LAMA2: variants seen among roughly 807,000 people sequenced by gnomAD.
The protein encoded by LAMA2 is laminin subunit alpha-2.
LAMA2 carries 269 observed loss-of-function variants against 364.8 expected under a neutral mutation model. The ratio of observed to expected loss-of-function variants is 0.74; its 90% confidence interval spans 0.67 to 0.82. The LOEUF is 0.82. LAMA2 is among the 40% of genes least tolerant of loss of function. LAMA2 has a pLI of 0.00. For missense variants in LAMA2, 3,807 were observed against 3,873.2 expected (o/e 0.98, Z 0.45); for synonymous variants, 1,379 against 1,370.6 (o/e 1.01, Z -0.14).
In LAMA2 at chr6:129,109,753, G is replaced by A. The variant is rs904907658; in HGVS notation, c.639+11338G>A. Among the ~76,000 whole-genome samples the A allele has an allele frequency of 5.9e-5, 9 of 151,960 alleles. No individual in the cohort carries two copies. In the East Asian group the frequency reaches 1.7e-3, roughly 29 times the overall value. On this transcript the variant is annotated intron_variant, in intron 4 of 64. Transcript: ENST00000421865. ...TAAACCAACAGGTAAATACATTTTT[G>A]GTCAAACAAAACTTTAAAAATTATG...
Position 128,960,219 on chromosome 6 carries a change from TATTA to T in LAMA2, c.112+76867_112+76870del, listed in dbSNP as rs561986909. The stretch of plus-strand genomic sequence containing the variant: ...TAACTTAAGGATTTTAATTTTTCAT[TATTA>T]ATTATTTAACAATGTGTTATTTATC... On this transcript the variant is annotated intron_variant, in intron 1 of 64. Coordinates refer to ENST00000421865, the MANE Select transcript of LAMA2 (RefSeq NM_000426.4). 1.6e-3 allele frequency among the ~76,000 whole-genome samples: 240 copies of T among 152,276 alleles called. 1 individual carries two copies. Among genetic ancestry groups the T allele is most frequent in the African/African-American group, 5.4e-3 (223 of 41,572 alleles).
At chr6:129,278,940 GATC>G (rs1248811018) in intron 17 of LAMA2, among the ~76,000 whole-genome samples, 2 of 152,158 alleles carry the variant, frequency 1.3e-5, no homozygotes, top group African/African-American at 4.8e-5. Flanking sequence ...TTCATGATCT[GATC>G]TGCACCAAAG....
intron 4 of LAMA2, among the ~76,000 whole-genome samples, chr6:129,112,437 G>A (rs9482984): frequency 0.23 from 34,577 of 151,666 alleles, 4,200 homozygotes; most frequent in African/African-American, 0.32. Flanking sequence ...AAGCAAATGC[G>A]TTACAAAAAA....
intron 32 of LAMA2, among the ~76,000 whole-genome samples, chr6:129,364,792 A>G (rs1368606631): frequency 6.6e-6 from 1 of 152,186 alleles, no homozygotes; most frequent in African/African-American, 2.4e-5. Flanking sequence ...GGCAATTTGT[A>G]AAGAAAAGAG....
chr6:128,933,867 A>G (rs758672027), intron 1 of LAMA2, among the ~76,000 whole-genome samples: 2 of 152,174 alleles, frequency 1.3e-5, no homozygotes, highest in Non-Finnish European at 2.9e-5. Context: ...TGGTTTGCCA[A>G]TATATTATCC....
chr6:129,061,491 A>G (rs1788910238), intron 3 of LAMA2, among the ~76,000 whole-genome samples: 2 of 152,340 alleles, frequency 1.3e-5, no homozygotes, highest in East Asian at 1.9e-4. Context: ...TGGCGCAACC[A>G]CAAGTTTTTA....
chr6:129,457,461 T>G (rs1783028244), intron 48 of LAMA2, among the ~76,000 whole-genome samples: 1 of 152,118 alleles, frequency 6.6e-6, no homozygotes, highest in Non-Finnish European at 1.5e-5. Flanking sequence ...TTGGATTTCC[T>G]CCTCTTCCAC....
Position 129,460,225 on chromosome 6 carries a change from C to T in LAMA2, c.6893C>T (p.Thr2298Ile), listed in dbSNP as rs1783180546. Residue 2298 changes from threonine to isoleucine, a missense_variant, in exon 49 of 65, where the codon ACA becomes ATA. Coordinates refer to ENST00000421865, the MANE Select transcript of LAMA2 (RefSeq NM_000426.4). ...AAGGCTGATGCTGTACGTGTGATTA[C>T]ATTCACTGGCTGCATGGGAGAAACA... is the stretch of plus-strand genomic sequence containing the variant. ...LKKADAVRVI[T>I]FTGCMGETYF... The T allele has an allele frequency of 6.2e-7, 1 of 1,611,700 alleles. No homozygotes were observed. Among genetic ancestry groups the T allele is most frequent in the Admixed American group, 1.7e-5 (1 of 59,866 alleles).
At chr6:129,391,700 C>T (rs1376733939) in intron 36 of LAMA2, 47 bp downstream of exon 36, 2 of 1,535,172 alleles carry the variant, frequency 1.3e-6, no homozygotes, top group Non-Finnish European at 9.0e-7. Flanking sequence ...CTGAGATTTC[C>T]AGATAATTTA....
intron 12 of LAMA2, among the ~76,000 whole-genome samples, chr6:129,241,101 T>A (rs1421569748): frequency 2.0e-5 from 3 of 152,208 alleles, no homozygotes; most frequent in African/African-American, 7.2e-5. Context: ...AAAGACATAT[T>A]TTAATGATGG....
At chr6:129,207,596 A>T (rs1172891233) in intron 12 of LAMA2, among the ~76,000 whole-genome samples, 1 of 152,042 alleles carries the variant, frequency 6.6e-6, no homozygotes, top group African/African-American at 2.4e-5. Context: ...TTTCCTTTTA[A>T]TTTTTCAAAA....
chr6:129,433,956 T>C (rs1781719746), intron 41 of LAMA2, among the ~76,000 whole-genome samples: 2 of 152,196 alleles, frequency 1.3e-5, no homozygotes, highest in South Asian at 4.1e-4. Flanking sequence ...TTTTCTTTAT[T>C]TGCCATATGT....
chr6:129,448,921 T>C (rs1176794759), intron 45 of LAMA2, among the ~76,000 whole-genome samples: 1 of 152,204 alleles, frequency 6.6e-6, no homozygotes, highest in Non-Finnish European at 1.5e-5. Context: ...AGATACAGTA[T>C]TTTGATTTAC....
intron 1 of LAMA2, among the ~76,000 whole-genome samples, chr6:129,008,910 T>C (rs371750785): frequency 3.9e-5 from 6 of 152,330 alleles, no homozygotes; most frequent in African/African-American, 1.4e-4. Context: ...CAGGATGTAG[T>C]GTACTTACTG....
At chr6:129,446,182 A>T (rs367567538) in intron 45 of LAMA2, among the ~76,000 whole-genome samples, 4 of 152,184 alleles carry the variant, frequency 2.6e-5, no homozygotes, top group South Asian at 4.1e-4. Flanking sequence ...AAACCAAAAA[A>T]AAAGGCCAAC....
chr6:129,461,690 C>T (rs776687805), intron 49 of LAMA2, among the ~76,000 whole-genome samples: 1 of 151,972 alleles, frequency 6.6e-6, no homozygotes, highest in Non-Finnish European at 1.5e-5. Context: ...ACTGTAACAT[C>T]ACTAATTATC....
intron 64 of LAMA2, among the ~76,000 whole-genome samples, chr6:129,515,363 G>A (rs762346829): frequency 6.6e-5 from 10 of 152,188 alleles, no homozygotes; most frequent in East Asian, 5.8e-4. Context: ...GGGGCCCAAC[G>A]ACAGCTCCTC....
At chr6:129,023,049 T>C (rs4895841) in intron 1 of LAMA2, among the ~76,000 whole-genome samples, 94,223 of 151,906 alleles carry the variant, frequency 0.62, 31,097 homozygotes, top group East Asian at 0.96. Context: ...TGCTTCTTGC[T>C]TTTTTTAAAC....
At chr6:129,405,256 T>C (rs1780189760) in intron 40 of LAMA2, among the ~76,000 whole-genome samples, 1 of 152,162 alleles carries the variant, frequency 6.6e-6, no homozygotes, top group African/African-American at 2.4e-5. Context: ...TATTTTTTCA[T>C]TATAATTGAC....
Sources: gnomAD v4.1 joint callset for allele counts (sites outside exome capture counted in the v4.1 genomes callset) on GRCh38, gnomAD v4.1.1 for gene constraint, MANE v1.5 for transcripts, NCBI Gene and HGNC (gene_info 2026-07-23, HGNC 2026-07-21) for gene names.